Variants in SLCO1B3 observed in about 807,000 individuals in gnomAD.
The protein encoded by SLCO1B3 is liver-specific organic anion transporter 2.
A neutral mutation model predicts 71.8 loss-of-function variants in SLCO1B3; 72 were observed. That is an observed-to-expected ratio of 1.00 (90% CI 0.83 to 1.22). SLCO1B3 has a LOEUF of 1.22. Ranked by LOEUF, SLCO1B3 falls within the 50% of genes most tolerant of loss-of-function variation. The pLI is 0.00. For missense variants in SLCO1B3, 911 were observed against 819.7 expected, an observed-to-expected ratio of 1.11 and a Z score of -1.36; for synonymous variants, 298 against 278.4, an observed-to-expected ratio of 1.07 and a Z score of -0.70.
intron 3 of SLCO1B3, among the ~76,000 whole-genome samples, chr12:20,839,312 T>TA (rs1864747202): frequency 6.6e-6 from 1 of 152,076 alleles, no homozygotes; most frequent in Admixed American, 6.5e-5. Context: ...TCTCTTTCTC[T>TA]AAAAAACTGC....
At position 20,850,067 on chromosome 12, in the gene SLCO1B3, A is replaced by C. The variant is rs1309129204; in HGVS notation, c.85-4961A>C. Among the ~76,000 whole-genome samples, 5 of 148,826 alleles carry C rather than the reference A, an allele frequency of 3.4e-5. No homozygotes were observed. The South Asian group carries it at 1.1e-3, about 31-fold the overall frequency. On this transcript the variant is annotated intron_variant, in intron 3 of 15. Coordinates refer to ENST00000381545, the MANE Select transcript of SLCO1B3 (RefSeq NM_019844.4). ...TTTTTTTTCTTGCAGACATGGAAAAATCCATACTGAAAGTCATATGAAATG... is the reference window on the plus strand; with the variant it reads ...TTTTTTTTCTTGCAGACATGGAAAACTCCATACTGAAAGTCATATGAAATG...
At chr12:20,847,193 C>A (rs1424845301) in intron 3 of SLCO1B3, among the ~76,000 whole-genome samples, 1 of 147,860 alleles carries the variant, frequency 6.8e-6, no homozygotes, top group African/African-American at 2.5e-5. Context: ...CAGGCTCAGC[C>A]CAAGGCTTAC....
chr12:20,865,210 C>A (rs896200674), intron 8 of SLCO1B3, among the ~76,000 whole-genome samples: 1 of 152,048 alleles, frequency 6.6e-6, no homozygotes, highest in Non-Finnish European at 1.5e-5. Flanking sequence ...GATAAGTAAA[C>A]ACTTAGCATG....
rs190575729 is a variant in SLCO1B3 at position 20,872,808 on chromosome 12, C to T, written c.728-2427C>T. Among the ~76,000 whole-genome samples, 112 of 152,206 alleles carry T rather than the reference C, an allele frequency of 7.4e-4. 1 individual carries two copies. Among genetic ancestry groups the T allele is most frequent in the Non-Finnish European group, 9.1e-4 (62 of 68,004 alleles). ...AGCTGGTATTAGAAAAAATATTTTGCAATCTATGCCTTAGAAAAAAAGAAT... is the reference window on the plus strand; with the variant it reads ...AGCTGGTATTAGAAAAAATATTTTGTAATCTATGCCTTAGAAAAAAAGAAT... On this transcript the variant is annotated intron_variant, in intron 8 of 15. Transcript: ENST00000381545.
chr12:20,811,569 C>A (rs1271850606), intron 1 of SLCO1B3, among the ~76,000 whole-genome samples: 1 of 152,086 alleles, frequency 6.6e-6, no homozygotes, highest in Non-Finnish European at 1.5e-5. Flanking sequence ...TTTCTATAAC[C>A]CCTTAAATAT....
chr12:20,881,147 A>G (rs1865686930), intron 12 of SLCO1B3, 127 bp downstream of exon 12: 2 of 661,026 alleles, frequency 3.0e-6, no homozygotes, highest in Non-Finnish European at 5.0e-6. Flanking sequence ...AGATTCCAGT[A>G]TTATCTGTCC....
Position 20,820,259 on chromosome 12 carries a change from C to T in SLCO1B3, c.84+4437C>T, listed in dbSNP as rs184573249. ...TGGTCTATGGGGCTTCTGAGGTGAT[C>T]AGGCAGCATCAGTCTTCAGCCGCTA... On this transcript the variant is annotated intron_variant, in intron 3 of 15. Transcript: ENST00000381545. Among the ~76,000 whole-genome samples, 167 of 152,248 alleles carry T rather than the reference C, an allele frequency of 1.1e-3. 4 individuals are homozygous for T. The South Asian group carries it at 0.033, about 30-fold the overall frequency.
chr12:20,875,547 A>C, intron 9 of SLCO1B3, 70 bp downstream of exon 9: 2 of 1,473,752 alleles, frequency 1.4e-6, no homozygotes, highest in Non-Finnish European at 1.8e-6. Context: ...GAGTAAAAAA[A>C]AATAAAGCAT....
chr12:20,905,201 G>A (rs533109257), intron 15 of SLCO1B3, among the ~76,000 whole-genome samples: 1 of 152,274 alleles, frequency 6.6e-6, no homozygotes, highest in African/African-American at 2.4e-5. Context: ...AGGTTGCACA[G>A]GGCAGCAGGG....
chr12:20,861,265 A>G (rs2121248798), intron 6 of SLCO1B3, 127 bp downstream of exon 6: 1 of 820,670 alleles, frequency 1.2e-6, no homozygotes, highest in Non-Finnish European at 1.8e-6. Context: ...TCCCTTACAT[A>G]CAGACAAAAT....
intron 13 of SLCO1B3, among the ~76,000 whole-genome samples, chr12:20,896,563 C>A (rs1323803086): frequency 6.6e-6 from 1 of 152,160 alleles, no homozygotes; most frequent in Non-Finnish European, 1.5e-5. Context: ...TCAACCTGGA[C>A]CTTATTGTCC....
At position 20,916,374 on chromosome 12, in the gene SLCO1B3, G is replaced by T. The variant is rs1866499960; in HGVS notation, c.*127G>T. 2.3e-6 allele frequency: 2 copies of T among 855,930 alleles called. No homozygotes were observed. The highest frequency in any genetic ancestry group is 5.1e-5 in the Admixed American group (2 of 39,124). 53.0% of individuals were successfully genotyped at this position (855,930 alleles called of 1,614,324 possible). A position where few individuals can be genotyped will look rare whatever the true frequency, so the allele number is the denominator to read the frequency against. Reference sequence around the variant, plus strand: ...GCATCTATAATAAACTATAAAAAATGGGAGTACCCATGGTTAGGATATAGC... The same window carrying T: ...GCATCTATAATAAACTATAAAAAATTGGAGTACCCATGGTTAGGATATAGC... On this transcript the variant is annotated 3_prime_UTR_variant, in exon 16 of 16. Coordinates refer to ENST00000381545, the MANE Select transcript of SLCO1B3 (RefSeq NM_019844.4).
chr12:20,826,843 CA>C (rs548261278), intron 3 of SLCO1B3, among the ~76,000 whole-genome samples: 8 of 151,882 alleles, frequency 5.3e-5, no homozygotes, highest in Non-Finnish European at 1.2e-4. Context: ...TTGTATTAGA[CA>C]AAAATTATTT....
intron 3 of SLCO1B3, among the ~76,000 whole-genome samples, chr12:20,835,638 C>T (rs1424041891): frequency 6.6e-6 from 1 of 152,172 alleles, no homozygotes; most frequent in Non-Finnish European, 1.5e-5. Context: ...TCAGCCTGGA[C>T]TTTATTGTCC....
At chr12:20,828,871 A>T (rs141878662) in intron 3 of SLCO1B3, among the ~76,000 whole-genome samples, 1 of 152,192 alleles carries the variant, frequency 6.6e-6, no homozygotes, top group South Asian at 2.1e-4. Flanking sequence ...AATCTTAGCT[A>T]CTGAACTACA....
rs1491555266 is a variant in SLCO1B3, at chr12:20,814,982, T to TTTC, written c.-65-690_-65-689insCTT. Among the ~76,000 whole-genome samples the TTTC allele has an allele frequency of 2.0e-4, 3 of 14,798 alleles. 1 individual carries two copies. The East Asian group carries it at 9.6e-3, about 47-fold the overall frequency. 9.7% of individuals were successfully genotyped at this position (14,798 alleles called of 152,430 possible). On this transcript the variant is annotated intron_variant, in intron 2 of 15. Coordinates refer to ENST00000381545, the MANE Select transcript of SLCO1B3 (RefSeq NM_019844.4). ...GAATCTTGCCTTTTCTTTTCTTTTC[T>TTTC]TTTTTTTTTTTTTTGCATTTTTCAA... is the stretch of plus-strand genomic sequence containing the variant.
Position 20,829,577 on chromosome 12 carries a change from A to G in SLCO1B3, c.84+13755A>G, listed in dbSNP as rs142012908. Among the ~76,000 whole-genome samples the G allele has an allele frequency of 3.0e-3, 458 of 152,042 alleles. 6 individuals are homozygous for G. The highest frequency in any genetic ancestry group is 9.7e-3 in the African/African-American group (401 of 41,318). ...CCCCCTGACCTTGGCAAAATGTGCA[A>G]TTGGTTTTGTTACAGGAAAGGGGTC... On this transcript the variant is annotated intron_variant, in intron 3 of 15. Coordinates refer to ENST00000381545, the MANE Select transcript of SLCO1B3 (RefSeq NM_019844.4).
chr12:20,884,817 T>G (rs961695463), intron 13 of SLCO1B3, among the ~76,000 whole-genome samples: 2 of 151,950 alleles, frequency 1.3e-5, no homozygotes, highest in African/African-American at 4.8e-5. Flanking sequence ...TTTGTTAATA[T>G]GAATATAAAC....
At chr12:20,910,554 C>T (rs917542860) in intron 15 of SLCO1B3, among the ~76,000 whole-genome samples, 1 of 152,158 alleles carries the variant, frequency 6.6e-6, no homozygotes, top group East Asian at 1.9e-4. Context: ...AAACTGACAT[C>T]TTGACAATAT....
Sources: allele counts gnomAD v4.1 joint callset (sites outside exome capture counted in the v4.1 genomes callset), GRCh38; gene constraint gnomAD v4.1.1; transcripts MANE v1.5; gene names NCBI Gene and HGNC (gene_info 2026-07-23, HGNC 2026-07-21).